The following CEP350 variants were observed in gnomAD, a reference collection of about 807,000 sequenced individuals.
CEP350 encodes the protein centrosome-associated protein 350.
Under a neutral mutation model 331.8 loss-of-function variants are expected in CEP350, and 126 were observed. The ratio of observed to expected loss-of-function variants is 0.38; its 90% confidence interval spans 0.33 to 0.44. CEP350 has a LOEUF of 0.44. Ranked by LOEUF, CEP350 falls within the 20% of genes least tolerant of loss-of-function variation. The pLI, the probability that CEP350 is intolerant of heterozygous loss-of-function variation, is 1.00. For synonymous variants in CEP350, 1,200 were observed against 1,259.5 expected, an observed-to-expected ratio of 0.95 and a Z score of 1.00; for missense variants, 3,406 against 3,634.6, an observed-to-expected ratio of 0.94 and a Z score of 1.62.
chr1:180,063,805 C>T (rs1658386602), intron 26 of CEP350, among the ~76,000 whole-genome samples: 1 of 83,016 alleles, frequency 1.2e-5, no homozygotes, highest in Non-Finnish European at 3.2e-5. Context: ...AAAGCAAGAC[C>T]CTGTCTCAAA....
intron 21 of CEP350, among the ~76,000 whole-genome samples, chr1:180,046,360 T>C (rs1029274529): frequency 2.6e-5 from 4 of 152,224 alleles, no homozygotes; most frequent in African/African-American, 7.2e-5. Flanking sequence ...GTAACTGACT[T>C]CTTTCACTTA....
intron 14 of CEP350, among the ~76,000 whole-genome samples, chr1:180,030,206 A>AT (rs1241480436): frequency 1.5e-5 from 2 of 130,158 alleles, no homozygotes; most frequent in East Asian, 2.0e-4. Flanking sequence ...TTAACTTTAA[A>AT]TTTTTTGTAT....
chr1:179,987,494 GTA>G (rs780485016), intron 3 of CEP350, among the ~76,000 whole-genome samples: 1 of 146,516 alleles, frequency 6.8e-6, no homozygotes, highest in Non-Finnish European at 1.5e-5. Flanking sequence ...TATATACATA[GTA>G]TATAGTAATA....
chr1:180,006,543 T>C lies in CEP350; in HGVS notation c.1222T>C (p.Leu408=). The change falls in exon 8 of 38, where the codon TTA becomes CTA. Residue 408 remains leucine (L), a synonymous_variant. Coordinates refer to ENST00000367607, the MANE Select transcript of CEP350 (RefSeq NM_014810.5). ...ACGAAAAGTCCAAAAAGTAGCACAG[T>C]TATCAAGTACAGAATGCAGAACAGG... is the stretch of plus-strand genomic sequence containing the variant. ...PVRKVQKVAQ[L]SSTECRTGSS... is the part of the protein sequence containing the mutation. 1.9e-6 allele frequency: 3 copies of C among 1,541,304 alleles called. No homozygotes were observed. Among genetic ancestry groups the C allele is most frequent in the South Asian group, 1.2e-5 (1 of 83,978 alleles).
intron 11 of CEP350, among the ~76,000 whole-genome samples, chr1:180,018,677 T>C (rs1655122831): frequency 6.6e-6 from 1 of 152,180 alleles, no homozygotes; most frequent in Non-Finnish European, 1.5e-5. Flanking sequence ...TCCATATTAG[T>C]TTGGTTTACG....
chr1:180,042,424 T>A (rs1308175631), intron 19 of CEP350, among the ~76,000 whole-genome samples: 1 of 152,220 alleles, frequency 6.6e-6, no homozygotes, highest in Non-Finnish European at 1.5e-5. Flanking sequence ...CAGTTATAAT[T>A]TTTTTAAACC....
At chr1:180,090,333 T>C (rs548610978) in intron 32 of CEP350, among the ~76,000 whole-genome samples, 210 of 151,174 alleles carry the variant, frequency 1.4e-3, no homozygotes, top group Non-Finnish European at 2.0e-3. Context: ...GATCATGAGA[T>C]CAGGAGATCG....
At chr1:180,054,351 T>G in intron 24 of CEP350, 64 bp from the exon 25 acceptor site, 5 of 1,320,466 alleles carry the variant, frequency 3.8e-6, no homozygotes, top group Non-Finnish European at 5.3e-6. Flanking sequence ...CAAGAATTCT[T>G]GACATTATTC....
intron 8 of CEP350, among the ~76,000 whole-genome samples, chr1:180,008,855 G>C (rs2148783264): frequency 6.6e-6 from 1 of 152,204 alleles, no homozygotes; most frequent in African/African-American, 2.4e-5. Context: ...TCAGGCATCT[G>C]TTTTTCTAGT....
intron 21 of CEP350, 151 bp from the exon 22 acceptor site, chr1:180,048,385 T>G (rs1342373049): frequency 1.7e-6 from 1 of 585,874 alleles, no homozygotes; most frequent in East Asian, 3.0e-5. Flanking sequence ...CTCAGACTTA[T>G]GTTACTTAGC....
At chr1:180,026,701 T>C (rs1655702333) in intron 14 of CEP350, among the ~76,000 whole-genome samples, 1 of 152,254 alleles carries the variant, frequency 6.6e-6, no homozygotes, top group South Asian at 2.1e-4. Flanking sequence ...GTACTTCATA[T>C]AAGTGGAATA....
At chr1:179,980,606 C>T (rs552423115) in intron 1 of CEP350, among the ~76,000 whole-genome samples, 1 of 151,970 alleles carries the variant, frequency 6.6e-6, no homozygotes, top group African/African-American at 2.4e-5. Flanking sequence ...AAGTAGGCAT[C>T]CTTGTCTTGT....
chr1:179,974,445 T>C (rs1485066295), intron 1 of CEP350, among the ~76,000 whole-genome samples: 4 of 152,188 alleles, frequency 2.6e-5, no homozygotes, highest in Admixed American at 2.6e-4. Flanking sequence ...ATCTGTTCAT[T>C]GAAGGTTCTG....
chr1:179,995,105 C>T (rs1172777302), intron 5 of CEP350, among the ~76,000 whole-genome samples: 3 of 152,182 alleles, frequency 2.0e-5, no homozygotes, highest in African/African-American at 4.8e-5. Context: ...TACATTACAG[C>T]AGCTCTTAAT....
chr1:180,018,857 CTTT>C (rs5779042), intron 11 of CEP350, among the ~76,000 whole-genome samples: 3 of 142,098 alleles, frequency 2.1e-5, no homozygotes, highest in African/African-American at 2.6e-5. Flanking sequence ...CTCTTTCTTT[CTTT>C]TTTTTTTTTT....
intron 6 of CEP350, among the ~76,000 whole-genome samples, chr1:180,000,213 C>G (rs2148731579): frequency 6.6e-6 from 1 of 152,200 alleles, no homozygotes; most frequent in Admixed American, 6.5e-5. Context: ...AAGAAAGACT[C>G]TCATAGGGAT....
At chr1:180,089,141 T>C (rs1269741505) in intron 32 of CEP350, among the ~76,000 whole-genome samples, 1 of 152,158 alleles carries the variant, frequency 6.6e-6, no homozygotes, top group African/African-American at 2.4e-5. Flanking sequence ...ATGTTTGTGT[T>C]TACAGAGATC....
At chr1:180,052,092 C>T (rs1336112856) in intron 22 of CEP350, 5 of 384,910 alleles carry the variant, frequency 1.3e-5, no homozygotes, top group Non-Finnish European at 2.5e-5. Context: ...TGTGCACACA[C>T]GTATACATGG....
intron 6 of CEP350, among the ~76,000 whole-genome samples, chr1:179,998,171 A>G (rs1653598091): frequency 6.6e-6 from 1 of 151,808 alleles, no homozygotes; most frequent in Admixed American, 6.6e-5. Flanking sequence ...AATTCATGTT[A>G]GATTTTTGTT....
Sources: allele counts gnomAD v4.1 joint callset (sites outside exome capture counted in the v4.1 genomes callset), GRCh38; gene constraint gnomAD v4.1.1; transcripts MANE v1.5; gene names NCBI Gene and HGNC (gene_info 2026-07-23, HGNC 2026-07-21).